ARL17A: variants seen among roughly 807,000 people sequenced by gnomAD.
ARL17A encodes the protein ARF like GTPase 17A, also known as ADP-ribosylation factor-like 17-like.
chr17:46,575,035 G>A (rs1159458583), intron 2 of ARL17A, among the ~76,000 whole-genome samples: 10 of 79,608 alleles, frequency 1.3e-4, no homozygotes, highest in African/African-American at 3.9e-4. Context: ...GGCGGAGGTT[G>A]TAGTGAGCCG....
the ARL17A span, among the ~76,000 whole-genome samples, chr17:46,503,008 G>A: frequency 2.0e-5 from 3 of 150,650 alleles, no homozygotes; most frequent in African/African-American, 7.5e-5. Flanking sequence ...GTCAGGAGAT[G>A]GAGATCATCC....
downstream of ARL17A, among the ~76,000 whole-genome samples, chr17:46,526,836 G>A (rs1307193650): frequency 1.1e-5 from 1 of 87,356 alleles, no homozygotes; most frequent in East Asian, 2.7e-4. Flanking sequence ...AGGACCAGGC[G>A]GCTAACTATC....
At chr17:46,548,773 A>G (rs1404422348), downstream of ARL17A, 2 of 1,611,522 alleles carry the variant, frequency 1.2e-6, no homozygotes, top group South Asian at 1.1e-5. Context: ...TCCAGCCCCA[A>G]GGGAGGTGGA....
At chr17:46,532,756 T>G (rs1469383462) in intron 4 of ARL17A, among the ~76,000 whole-genome samples, 2 of 147,400 alleles carry the variant, frequency 1.4e-5, no homozygotes, top group East Asian at 3.9e-4. Flanking sequence ...CCTTTTTATG[T>G]CTCTAAGAAC....
At chr17:46,521,394 T>G (rs1278178118) in intron 3 of ARL17A, among the ~76,000 whole-genome samples, 1 of 50,044 alleles carries the variant, frequency 2.0e-5, no homozygotes, top group African/African-American at 7.1e-5. Context: ...TACGTTTCCT[T>G]TAAAATAGTT....
At chr17:46,518,153 ATTTGT>A (rs1259253417) in intron 3 of ARL17A, among the ~76,000 whole-genome samples, 5,445 of 137,810 alleles carry the variant, frequency 0.04, 38 homozygotes, top group East Asian at 0.32. Flanking sequence ...AGCAAAATAG[ATTTGT>A]TTTGTGGTTT....
At chr17:46,542,931 TTTC>T (rs2055656653) in intron 3 of ARL17A, among the ~76,000 whole-genome samples, 1 of 149,822 alleles carries the variant, frequency 6.7e-6, no homozygotes, top group African/African-American at 2.5e-5. Context: ...GTCAGGTCAC[TTTC>T]TTATCTTGAC....
intron 4 of ARL17A, among the ~76,000 whole-genome samples, chr17:46,531,819 T>C (rs2145219774): frequency 9.2e-6 from 1 of 109,174 alleles, no homozygotes; most frequent in South Asian, 2.9e-4. Flanking sequence ...TTCATTAAAT[T>C]CAAAAGACAA....
At chr17:46,534,006 T>C (rs1393605833) in intron 4 of ARL17A, among the ~76,000 whole-genome samples, 2 of 123,554 alleles carry the variant, frequency 1.6e-5, no homozygotes, top group Admixed American at 7.8e-5. Flanking sequence ...TGTCCTCCAG[T>C]GTTGTGTGTG....
At chr17:46,501,825 T>A in the ARL17A span, among the ~76,000 whole-genome samples, 1 of 151,294 alleles carries the variant, frequency 6.6e-6, no homozygotes, top group African/African-American at 2.5e-5. Context: ...TATATTCCAT[T>A]TCTCATTGAA....
intron 3 of ARL17A, among the ~76,000 whole-genome samples, chr17:46,545,827 A>G (rs1193124553): frequency 1.4e-4 from 21 of 149,698 alleles, no homozygotes; most frequent in Admixed American, 3.3e-4. Context: ...ATCCAGGTTA[A>G]ACTAAGCTAT....
intron 3 of ARL17A, among the ~76,000 whole-genome samples, chr17:46,541,810 A>C (rs544965988): frequency 2.6e-5 from 4 of 151,160 alleles, no homozygotes; most frequent in African/African-American, 9.9e-5. Flanking sequence ...GTATACAAAC[A>C]TTATGTCATT....
At chr17:46,543,346 A>G (rs1298107688) in intron 3 of ARL17A, among the ~76,000 whole-genome samples, 2 of 150,684 alleles carry the variant, frequency 1.3e-5, no homozygotes, top group Non-Finnish European at 2.9e-5. Flanking sequence ...AGTCTCAAAG[A>G]TTTGTCAGTA....
downstream of ARL17A, among the ~76,000 whole-genome samples, chr17:46,525,602 T>TC (rs1555641482): frequency 2.9e-5 from 3 of 103,290 alleles, no homozygotes; most frequent in African/African-American, 1.0e-4. Flanking sequence ...ATAATAATAA[T>TC]ATAATAATAA....
the ARL17A span, among the ~76,000 whole-genome samples, chr17:46,501,182 A>G: frequency 2.0e-5 from 3 of 151,076 alleles, 1 homozygote; most frequent in Non-Finnish European, 4.4e-5. Flanking sequence ...ATGCCCAGCT[A>G]TATTGACTTG....
chr17:46,530,011 CTT>C (rs2053428266), intron 4 of ARL17A, among the ~76,000 whole-genome samples: 1 of 145,358 alleles, frequency 6.9e-6, no homozygotes, highest in Admixed American at 7.0e-5. Context: ...AGATAACAAA[CTT>C]TGCCAAGTTG....
At chr17:46,502,534 T>TCAGG in the ARL17A span, among the ~76,000 whole-genome samples, 1 of 151,024 alleles carries the variant, frequency 6.6e-6, no homozygotes, top group Non-Finnish European at 1.5e-5. Context: ...ACTCCTGACC[T>TCAGG]CAGGCAGTCT....
In ARL17A at chr17:46,532,886, AC is replaced by A. The variant is rs2145274376; in HGVS notation, c.336-4028del. Among the ~76,000 whole-genome samples, 2 of 148,486 alleles carry A rather than the reference AC, an allele frequency of 1.3e-5. 1 individual carries two copies. Among genetic ancestry groups the A allele is most frequent in the Non-Finnish European group, 3.0e-5 (2 of 67,720 alleles). ...GAGGCTGCGGTGGGAGGATTGCTTG[AC>A]CCCAGGAGTTCGAGGCCAGCCAGGG... On this transcript the variant is annotated intron_variant, in intron 4 of 4. Coordinates refer to the ARL17A transcript ENST00000329240.
chr17:46,543,397 G>A (rs1287758006), intron 3 of ARL17A, among the ~76,000 whole-genome samples: 1 of 150,870 alleles, frequency 6.6e-6, no homozygotes, highest in Non-Finnish European at 1.5e-5. Context: ...GATTGAAGGA[G>A]ACTAAAGAAT....
Sources: gnomAD v4.1 joint callset for allele counts (sites outside exome capture counted in the v4.1 genomes callset) on GRCh38, gnomAD v4.1.1 for gene constraint, MANE v1.5 for transcripts, NCBI Gene and HGNC (gene_info 2026-07-23, HGNC 2026-07-21) for gene names.